Variants in BMPER observed in about 807,000 individuals in gnomAD.
The protein encoded by BMPER is BMP-binding endothelial regulator protein.
A neutral mutation model predicts 87.3 loss-of-function variants in BMPER; 45 were observed. The ratio of observed to expected loss-of-function variants is 0.52; its 90% confidence interval spans 0.41 to 0.66. The LOEUF (loss-of-function observed/expected upper bound fraction) is 0.66. Ranked by LOEUF, BMPER falls within the 30% of genes least tolerant of loss-of-function variation. BMPER has a pLI of 0.00. For synonymous variants in BMPER, 326 were observed against 316.2 expected, an observed-to-expected ratio of 1.03 and a Z score of -0.33; for missense variants, 784 against 867.5, an observed-to-expected ratio of 0.90 and a Z score of 1.21.
chr7:33,966,120 T>G (rs1374471308), intron 3 of BMPER, among the ~76,000 whole-genome samples: 1 of 152,340 alleles, frequency 6.6e-6, no homozygotes, highest in East Asian at 1.9e-4. Context: ...TTTAATCTCA[T>G]GTAAGATCCC....
intron 11 of BMPER, among the ~76,000 whole-genome samples, chr7:34,066,997 A>AAT (rs1788610423): frequency 6.6e-6 from 1 of 152,184 alleles, no homozygotes; most frequent in South Asian, 2.1e-4. Flanking sequence ...GCTACATCAG[A>AAT]CCTAACCATC....
At chr7:33,936,974 G>A (rs1784617821) in intron 2 of BMPER, among the ~76,000 whole-genome samples, 1 of 152,314 alleles carries the variant, frequency 6.6e-6, no homozygotes, top group Admixed American at 6.5e-5. Flanking sequence ...TCTGTAGTGT[G>A]TACTAAAAAG....
At chr7:34,150,513 A>G (rs1459749885) in intron 14 of BMPER, among the ~76,000 whole-genome samples, 1 of 152,210 alleles carries the variant, frequency 6.6e-6, no homozygotes, top group Non-Finnish European at 1.5e-5. Context: ...GCATAACAAC[A>G]CATGAATACA....
At chr7:34,136,823 T>C (rs1790732743) in intron 13 of BMPER, among the ~76,000 whole-genome samples, 1 of 152,230 alleles carries the variant, frequency 6.6e-6, no homozygotes, top group Admixed American at 6.5e-5. Flanking sequence ...GATATCTGGC[T>C]CCGAGGTGGA....
chr7:34,067,434 T>C (rs1176620673), intron 11 of BMPER: 3 of 152,156 alleles, frequency 2.0e-5, no homozygotes, highest in Non-Finnish European at 4.4e-5. Flanking sequence ...GGGCCCATTT[T>C]ATGAGAAATC....
chr7:33,957,302 A>G (rs1004183364), intron 3 of BMPER, among the ~76,000 whole-genome samples: 2 of 151,366 alleles, frequency 1.3e-5, no homozygotes, highest in African/African-American at 4.9e-5. Context: ...GATACATGCA[A>G]CAACTTGGTT....
chr7:34,010,448 C>T (rs770207037), intron 6 of BMPER, among the ~76,000 whole-genome samples: 1 of 151,884 alleles, frequency 6.6e-6, no homozygotes, highest in Non-Finnish European at 1.5e-5. Context: ...ATTTTCCATT[C>T]TTATATTTTG....
chr7:34,004,226 T>C (rs1193374583), intron 6 of BMPER, among the ~76,000 whole-genome samples: 1 of 152,140 alleles, frequency 6.6e-6, no homozygotes, highest in African/African-American at 2.4e-5. Context: ...ATTTCTCAAT[T>C]CTAGTATTCT....
intron 3 of BMPER, among the ~76,000 whole-genome samples, chr7:33,944,293 G>A (rs2128611401): frequency 6.6e-6 from 1 of 152,142 alleles, no homozygotes; most frequent in South Asian, 2.1e-4. Context: ...AGCCTCCCAA[G>A]TAGCTGGGAT....
At chr7:34,124,313 TTTA>T (rs1460999236) in intron 13 of BMPER, among the ~76,000 whole-genome samples, 2 of 152,190 alleles carry the variant, frequency 1.3e-5, no homozygotes, top group African/African-American at 4.8e-5. Flanking sequence ...TATGTTGTAT[TTTA>T]TTATATTATT....
intron 13 of BMPER, among the ~76,000 whole-genome samples, chr7:34,121,983 C>T (rs1198667167): frequency 4.6e-5 from 7 of 150,968 alleles, no homozygotes; most frequent in African/African-American, 1.7e-4. Context: ...ATTAGCTGGG[C>T]ATTGTGGTAC....
intron 13 of BMPER, among the ~76,000 whole-genome samples, chr7:34,102,823 T>C (rs914957265): frequency 6.6e-6 from 1 of 151,958 alleles, no homozygotes; most frequent in African/African-American, 2.4e-5. Flanking sequence ...AGCAGACACA[T>C]ACATAATATA....
chr7:33,912,189 G>A (rs924665633), intron 2 of BMPER, among the ~76,000 whole-genome samples: 3 of 152,212 alleles, frequency 2.0e-5, no homozygotes, highest in Non-Finnish European at 4.4e-5. Context: ...TTCTTGCAGA[G>A]TATTTACATC....
intron 6 of BMPER, among the ~76,000 whole-genome samples, chr7:34,026,138 A>G (rs548125634): frequency 6.6e-6 from 1 of 152,088 alleles, no homozygotes; most frequent in East Asian, 2.0e-4. Context: ...AGCTGGGATG[A>G]TGGTAATGGG....
chr7:34,113,815 G>A (rs1790043705), intron 13 of BMPER, among the ~76,000 whole-genome samples: 1 of 151,894 alleles, frequency 6.6e-6, no homozygotes, highest in Non-Finnish European at 1.5e-5. Context: ...TTTGGTGAGG[G>A]GTGTAATTAC....
rs117799188 is a variant in BMPER at position 34,094,435 on chromosome 7, C to T, written c.1745+8343C>T. ...AGGAAAAGACTGTGTGGGGAGCTCT[C>T]CCTTGAAGGGAACGTGCCCTCTGGG... On this transcript the variant is annotated intron_variant, in intron 13 of 14. Transcript: ENST00000649409. Among the ~76,000 whole-genome samples, 1,355 of 152,330 alleles carry T rather than the reference C, an allele frequency of 8.9e-3. 5 individuals are homozygous for T. Among genetic ancestry groups the T allele is most frequent in the South Asian group, 0.049 (235 of 4,828 alleles).
chr7:34,008,777 A>G (rs1259201254), intron 6 of BMPER, among the ~76,000 whole-genome samples: 3 of 151,852 alleles, frequency 2.0e-5, no homozygotes, highest in Admixed American at 6.6e-5. Flanking sequence ...GTTCATATAG[A>G]TAGCATCTTG....
intron 11 of BMPER, chr7:34,067,176 G>A (rs1045320592): frequency 6.6e-6 from 1 of 152,218 alleles, no homozygotes; most frequent in African/African-American, 2.4e-5. Flanking sequence ...ACAGTTGCCA[G>A]GTGACTTTTT....
intron 13 of BMPER, among the ~76,000 whole-genome samples, chr7:34,126,877 T>C (rs529042910): frequency 6.6e-6 from 1 of 152,130 alleles, no homozygotes; most frequent in Admixed American, 6.6e-5. Flanking sequence ...TTAAAAAAAA[T>C]GTCCAAATTG....
Sources: gnomAD v4.1 joint callset for allele counts (sites outside exome capture counted in the v4.1 genomes callset) on GRCh38, gnomAD v4.1.1 for gene constraint, MANE v1.5 for transcripts, NCBI Gene and HGNC (gene_info 2026-07-23, HGNC 2026-07-21) for gene names.